Variants in FAF1 observed in about 807,000 individuals in gnomAD.
FAF1 encodes Fas associated factor 1.
FAF1 carries 25 observed loss-of-function variants against 92.5 expected under a neutral mutation model. The ratio of observed to expected loss-of-function variants is 0.27; its 90% CI spans 0.20 to 0.38. FAF1 has a LOEUF of 0.38. FAF1 is among the 10% of genes least tolerant of loss of function. The pLI is 1.00. For missense variants in FAF1, 636 were observed against 793.3 expected (o/e 0.80, Z 2.38); for synonymous variants, 234 against 273.2 (o/e 0.86, Z 1.42).
At chr1:50,953,817 G>A (rs1645240932) in intron 1 of FAF1, among the ~76,000 whole-genome samples, 1 of 152,062 alleles carries the variant, frequency 6.6e-6, no homozygotes, top group South Asian at 2.1e-4. Flanking sequence ...AAAAGACTAG[G>A]GGTGAAAAAC....
chr1:50,551,211 C>T (rs908469415), intron 13 of FAF1, among the ~76,000 whole-genome samples: 7 of 151,700 alleles, frequency 4.6e-5, no homozygotes, highest in Non-Finnish European at 8.8e-5. Context: ...ACTGTAAATG[C>T]TAAATGGAAA....
At chr1:50,768,852 A>G (rs1335752370) in intron 4 of FAF1, among the ~76,000 whole-genome samples, 1 of 152,114 alleles carries the variant, frequency 6.6e-6, no homozygotes, top group African/African-American at 2.4e-5. Context: ...CAAATTAACA[A>G]TCTAACATCA....
chr1:50,527,364 A>T (rs1647863972), intron 15 of FAF1, among the ~76,000 whole-genome samples: 1 of 152,096 alleles, frequency 6.6e-6, no homozygotes, highest in Admixed American at 6.6e-5. Context: ...GAGTTGTAAG[A>T]GTTCTTTATA....
At chr1:50,626,246 T>A (rs1178130423) in intron 8 of FAF1, among the ~76,000 whole-genome samples, 5 of 152,114 alleles carry the variant, frequency 3.3e-5, no homozygotes, top group Non-Finnish European at 7.4e-5. Flanking sequence ...TTTAGAGAGG[T>A]TTATTCATTC....
intron 2 of FAF1, among the ~76,000 whole-genome samples, chr1:50,835,027 C>G (rs1305568396): frequency 1.3e-5 from 2 of 152,124 alleles, no homozygotes; most frequent in Non-Finnish European, 2.9e-5. Flanking sequence ...TAAGGGCAAG[C>G]AGTTATGACA....
intron 2 of FAF1, among the ~76,000 whole-genome samples, chr1:50,820,974 G>A (rs1159877866): frequency 1.3e-5 from 2 of 152,170 alleles, no homozygotes; most frequent in African/African-American, 4.8e-5. Flanking sequence ...GCTTGGTCAT[G>A]TTACTACTCT....
intron 13 of FAF1, 30 bp from the exon 14 acceptor site, chr1:50,539,758 T>C: frequency 1.3e-6 from 2 of 1,583,404 alleles, no homozygotes; most frequent in East Asian, 2.3e-5. Context: ...AAAGTAAGTT[T>C]TGCTTTGTAG....
At chr1:50,708,603 T>C (rs966607767) in intron 6 of FAF1, among the ~76,000 whole-genome samples, 4 of 151,460 alleles carry the variant, frequency 2.6e-5, no homozygotes, top group African/African-American at 7.3e-5. Context: ...GTCAGTACCA[T>C]ATAGTCAGTT....
chr1:50,948,448 C>T (rs776797368), intron 1 of FAF1, among the ~76,000 whole-genome samples: 1 of 152,096 alleles, frequency 6.6e-6, no homozygotes, highest in Non-Finnish European at 1.5e-5. Context: ...CACAGTCAAC[C>T]CAGACTATCA....
chr1:50,833,496 C>T (rs1045233405), intron 2 of FAF1, among the ~76,000 whole-genome samples: 3 of 152,116 alleles, frequency 2.0e-5, no homozygotes, highest in African/African-American at 7.2e-5. Flanking sequence ...GGAAGCTCTC[C>T]AAATCCTGTT....
chr1:50,625,546 AC>A (rs1653459083), intron 8 of FAF1, among the ~76,000 whole-genome samples: 1 of 152,226 alleles, frequency 6.6e-6, no homozygotes. Flanking sequence ...GAGAAATGTC[AC>A]AAAGGAGTGT....
chr1:50,589,600 G>A (rs1261267587), intron 9 of FAF1, among the ~76,000 whole-genome samples: 7 of 152,264 alleles, frequency 4.6e-5, no homozygotes, highest in African/African-American at 1.7e-4. Flanking sequence ...TGTATGATTT[G>A]CAAATATTTT....
chr1:50,665,645 G>C (rs1412483041), intron 7 of FAF1, among the ~76,000 whole-genome samples: 1 of 152,124 alleles, frequency 6.6e-6, no homozygotes, highest in Non-Finnish European at 1.5e-5. Context: ...GCACTACCAA[G>C]ATAGCAGAGT....
At chr1:50,846,736 C>T (rs1644304759) in intron 2 of FAF1, 2 of 669,672 alleles carry the variant, frequency 3.0e-6, no homozygotes, top group South Asian at 1.4e-5. Context: ...GTGATTAGAC[C>T]GAATATTGTC....
intron 1 of FAF1, among the ~76,000 whole-genome samples, chr1:50,867,771 A>C (rs58672235): frequency 0.02 from 3,069 of 152,288 alleles, 102 homozygotes; most frequent in African/African-American, 0.071. Flanking sequence ...AACAGCATGG[A>C]GATTCCTTAA....
In FAF1 at chr1:50,567,004, T is replaced by TATG. The variant is rs1650204472; in HGVS notation, c.1268+70_1268+72dup. 6.8e-6 allele frequency: 8 copies of TATG among 1,180,676 alleles called. No individual in the cohort carries two copies. In the Admixed American group the frequency reaches 7.6e-5, roughly 11 times the overall value. The allele number at this position is 1,180,676 out of a possible 1,614,324, so 73.1% of individuals were successfully genotyped here. A position where few individuals can be genotyped will look rare whatever the true frequency, so the allele number is the denominator to read the frequency against. On this transcript the variant is annotated intron_variant, in intron 13 of 18. Coordinates refer to ENST00000396153, the MANE Select transcript of FAF1 (RefSeq NM_007051.3). ...TTTAATGCTGAGGATGAAAAATGTTTATGATGATGATAAACACAATGATTT... is the reference window on the plus strand; with the variant it reads ...TTTAATGCTGAGGATGAAAAATGTTTATGATGATGATGATAAACACAATGATTT...
intron 6 of FAF1, among the ~76,000 whole-genome samples, chr1:50,720,313 T>A (rs1437471931): frequency 6.6e-6 from 1 of 152,172 alleles, no homozygotes; most frequent in African/African-American, 2.4e-5. Context: ...ACCAGCCCAG[T>A]ACTTTCAAAT....
intron 1 of FAF1, among the ~76,000 whole-genome samples, chr1:50,915,341 G>A (rs1427895718): frequency 6.8e-6 from 1 of 146,430 alleles, no homozygotes; most frequent in African/African-American, 2.5e-5. Flanking sequence ...TTGCACTCCA[G>A]CCTGGGCAAC....
At chr1:50,501,467 C>T (rs920019474) in intron 15 of FAF1, among the ~76,000 whole-genome samples, 2 of 152,096 alleles carry the variant, frequency 1.3e-5, no homozygotes, top group African/African-American at 4.8e-5. Context: ...CAAGACCATC[C>T]TGGCTAATAT....
Sources: gnomAD v4.1 joint callset for allele counts (sites outside exome capture counted in the v4.1 genomes callset) on GRCh38, gnomAD v4.1.1 for gene constraint, MANE v1.5 for transcripts, NCBI Gene and HGNC (gene_info 2026-07-23, HGNC 2026-07-21) for gene names.